Variants in MDGA2 observed in about 807,000 individuals in gnomAD.
MDGA2 encodes MAM domain-containing glycosylphosphatidylinositol anchor protein 2.
A neutral mutation model predicts 117.8 loss-of-function variants in MDGA2; 40 were observed. That is an observed-to-expected ratio of 0.34 (90% CI 0.26 to 0.44). The LOEUF is 0.44. Ranked by LOEUF, MDGA2 falls within the 20% of genes least tolerant of loss-of-function variation. The pLI is 1.00. For synonymous variants in MDGA2, 452 were observed against 439.0 expected (o/e 1.03, Z -0.37); for missense variants, 1,123 against 1,250.6 (o/e 0.90, Z 1.54).
At chr14:47,307,206 T>C (rs760300211) in intron 1 of MDGA2, among the ~76,000 whole-genome samples, 8 of 152,044 alleles carry the variant, frequency 5.3e-5, no homozygotes, top group Non-Finnish European at 1.0e-4. Flanking sequence ...CCTATCTGAG[T>C]TTCTGGTTTA....
intron 5 of MDGA2, among the ~76,000 whole-genome samples, chr14:47,108,682 A>G (rs945879934): frequency 5.3e-4 from 81 of 152,178 alleles, no homozygotes; most frequent in Non-Finnish European, 1.0e-3. Context: ...TTTCGGACTC[A>G]GCCCGCCTGC....
intron 2 of MDGA2, among the ~76,000 whole-genome samples, chr14:47,297,894 T>C (rs1889131315): frequency 6.6e-6 from 1 of 152,166 alleles, no homozygotes; most frequent in Admixed American, 6.5e-5. Flanking sequence ...GAGCTGATGG[T>C]CCTAAATTAC....
intron 15 of MDGA2, among the ~76,000 whole-genome samples, chr14:46,853,646 T>C (rs1026574226): frequency 6.6e-6 from 1 of 151,708 alleles, no homozygotes; most frequent in African/African-American, 2.4e-5. Flanking sequence ...AAGGATGCTA[T>C]AATCAGTGGA....
intron 6 of MDGA2, among the ~76,000 whole-genome samples, chr14:47,095,499 A>T (rs7149670): frequency 0.019 from 2,846 of 151,904 alleles, 69 homozygotes; most frequent in African/African-American, 0.063. Flanking sequence ...GACATATTTT[A>T]AAAAAAATCA....
chr14:47,342,463 C>G (rs1433303542), intron 1 of MDGA2, among the ~76,000 whole-genome samples: 1 of 151,886 alleles, frequency 6.6e-6, no homozygotes, highest in Non-Finnish European at 1.5e-5. Context: ...ACGTTAGTAT[C>G]TCTTATTTCA....
At chr14:47,301,293 AC>A in intron 2 of MDGA2, 117 bp downstream of exon 2, 1 of 789,338 alleles carries the variant, frequency 1.3e-6, no homozygotes, top group Non-Finnish European at 1.8e-6. Context: ...ACCCACACCC[AC>A]CCACACACAC....
chr14:47,148,417 G>T (rs1467026486), intron 3 of MDGA2, among the ~76,000 whole-genome samples: 1 of 152,018 alleles, frequency 6.6e-6, no homozygotes, highest in East Asian at 1.9e-4. Context: ...CATCATGGAG[G>T]GTAGCACCCA....
At chr14:47,518,165 T>C (rs1005167958) in intron 1 of MDGA2, among the ~76,000 whole-genome samples, 14 of 152,140 alleles carry the variant, frequency 9.2e-5, no homozygotes, top group African/African-American at 2.9e-4. Flanking sequence ...AGCAACTGAC[T>C]GATGGTACTC....
chr14:47,584,448 CATAA>C (rs918367694), intron 1 of MDGA2, among the ~76,000 whole-genome samples: 3 of 151,744 alleles, frequency 2.0e-5, no homozygotes, highest in South Asian at 2.1e-4. Flanking sequence ...GTAGCAGAAC[CATAA>C]ATAAGACAGA....
chr14:47,225,604 T>C lies in MDGA2; in HGVS notation c.421-7409A>G, dbSNP rs944278953. On this transcript the variant is annotated intron_variant, in intron 2 of 16. Transcript: ENST00000399232. ...GCATGTTCTCACTCATAGGTGGGAA[T>C]TGAACAATGAGAACACGTGGACACA... 3.1e-3 allele frequency among the ~76,000 whole-genome samples: 474 copies of C among 150,754 alleles called. 4 individuals carry two copies. The highest frequency in any genetic ancestry group is 0.011 in the African/African-American group (447 of 40,834).
chr14:47,353,972 T>C (rs928590646), intron 1 of MDGA2, among the ~76,000 whole-genome samples: 1 of 152,218 alleles, frequency 6.6e-6, no homozygotes, highest in African/African-American at 2.4e-5. Flanking sequence ...AAGTGGGATA[T>C]ATCCCTGGAA....
intron 5 of MDGA2, among the ~76,000 whole-genome samples, chr14:47,127,740 A>G (rs1881978060): frequency 6.6e-6 from 1 of 152,160 alleles, no homozygotes; most frequent in Admixed American, 6.5e-5. Context: ...AAGTATCTCT[A>G]GTACAGCACT....
chr14:46,960,738 G>A (rs961695361), intron 8 of MDGA2, among the ~76,000 whole-genome samples: 2 of 149,764 alleles, frequency 1.3e-5, no homozygotes, highest in African/African-American at 4.9e-5. Context: ...CATTTTATAT[G>A]TATATGTGTA....
chr14:46,869,223 C>A (rs1461538918), intron 14 of MDGA2, among the ~76,000 whole-genome samples: 1 of 151,958 alleles, frequency 6.6e-6, no homozygotes, highest in Non-Finnish European at 1.5e-5. Flanking sequence ...TGAATGTATT[C>A]ATAAGTGCCT....
In MDGA2 at chr14:47,675,402, G is replaced by A. The variant is rs888963049; in HGVS notation, c.-606C>T. 3.3e-5 allele frequency among the ~76,000 whole-genome samples: 5 copies of A among 151,914 alleles called. No individual in the cohort carries two copies. Among genetic ancestry groups the A allele is most frequent in the Admixed American group, 3.3e-4 (5 of 15,272 alleles). The stretch of plus-strand genomic sequence containing the variant: ...GGTGGGGAAGAGGGAAGGGAGGAGG[G>A]GGAAGAAGGAGGAGGAAAGGGTCCA... On this transcript the variant is annotated 5_prime_UTR_variant, in exon 1 of 17. Coordinates refer to ENST00000399232, the MANE Select transcript of MDGA2 (RefSeq NM_001113498.3).
chr14:47,645,084 A>G (rs1897500463), intron 1 of MDGA2, among the ~76,000 whole-genome samples: 2 of 152,164 alleles, frequency 1.3e-5, no homozygotes, highest in Admixed American at 6.5e-5. Context: ...TTAGCCCTAT[A>G]AGACTCATTT....
rs781424716 is a variant in MDGA2, at chr14:47,632,234, A to G, written c.280+42283T>C. Reference sequence around the variant, plus strand: ...CAAAATTTTATCATCCATTTTCCCTATAGAAATGAATGGTGCCATGAATTC... The same window carrying G: ...CAAAATTTTATCATCCATTTTCCCTGTAGAAATGAATGGTGCCATGAATTC... On this transcript the variant is annotated intron_variant, in intron 1 of 16. Coordinates refer to ENST00000399232, the MANE Select transcript of MDGA2 (RefSeq NM_001113498.3). 2.0e-4 allele frequency among the ~76,000 whole-genome samples: 31 copies of G among 152,174 alleles called. 1 individual carries two copies. The highest frequency in any genetic ancestry group is 2.6e-4 in the Admixed American group (4 of 15,274).
At chr14:47,225,126 C>T (rs1459017685) in intron 2 of MDGA2, among the ~76,000 whole-genome samples, 1 of 152,014 alleles carries the variant, frequency 6.6e-6, no homozygotes, top group Non-Finnish European at 1.5e-5. Context: ...CATCTCACAC[C>T]AGTTAGAATG....
chr14:47,503,719 A>T (rs1158389619), intron 1 of MDGA2, among the ~76,000 whole-genome samples: 2 of 152,006 alleles, frequency 1.3e-5, no homozygotes, highest in African/African-American at 4.8e-5. Context: ...TACTATCTTA[A>T]CTTTACCCTT....
Sources: allele counts gnomAD v4.1 joint callset (sites outside exome capture counted in the v4.1 genomes callset), GRCh38; gene constraint gnomAD v4.1.1; transcripts MANE v1.5; gene names NCBI Gene and HGNC (gene_info 2026-07-23, HGNC 2026-07-21).